Variants in ZNF700 observed in about 807,000 individuals in gnomAD.
ZNF700 encodes zinc finger protein 700.
Under a neutral mutation model 65.3 loss-of-function variants are expected in ZNF700, and 38 were observed. The observed-to-expected ratio is 0.58, with a 90% CI of 0.45 to 0.76. ZNF700 has a LOEUF of 0.76. ZNF700 is among the 30% of genes least tolerant of loss of function. The pLI is 0.00. For missense variants in ZNF700, 857 were observed against 888.4 expected (o/e 0.96, Z 0.45); for synonymous variants, 285 against 290.4 (o/e 0.98, Z 0.19).
In ZNF700 at chr19:11,933,521, T is replaced by C. The variant is rs117894901; in HGVS notation, c.63+8248T>C. Among the ~76,000 whole-genome samples the C allele has an allele frequency of 2.1e-3, 314 of 147,506 alleles. 8 individuals carry two copies. The highest frequency in any genetic ancestry group is 6.8e-3 in the Middle Eastern group (2 of 294). ...CCCCTGTGCTCTTCCTAATCATAGC[T>C]CTCCCCTCCCTCTTCTGCCACCCCT... On this transcript the variant is annotated intron_variant, in intron 1 of 3. Transcript: ENST00000254321.
Position 11,928,292 on chromosome 19 carries a change from A to G in ZNF700, c.63+3019A>G, listed in dbSNP as rs1421805710. Among the ~76,000 whole-genome samples the G allele has an allele frequency of 2.0e-4, 31 of 152,202 alleles. 1 individual carries two copies. The highest frequency in any genetic ancestry group is 2.0e-3 in the Admixed American group (31 of 15,278). The stretch of plus-strand genomic sequence containing the variant: ...CAGATATCAGCCACTGCACCTGGCT[A>G]ACAACTTAATTCGTAATGGTTTACT... On this transcript the variant is annotated intron_variant, in intron 1 of 3. Transcript: ENST00000254321.
intron 1 of ZNF700, among the ~76,000 whole-genome samples, chr19:11,928,417 G>A (rs192896212): frequency 3.3e-5 from 5 of 152,256 alleles, no homozygotes; most frequent in African/African-American, 1.2e-4. Flanking sequence ...CAATCTGATA[G>A]CCATGAAATC....
chr19:11,948,407 G>A lies in ZNF700; in HGVS notation c.383G>A (p.Ser128Asn). 6.2e-7 allele frequency: 1 copy of A among 1,614,134 alleles called. No homozygotes were observed. The highest frequency in any genetic ancestry group is 8.5e-7 in the Non-Finnish European group (1 of 1,179,994). ...TCTCCTGAAGTAAAATCATGTGACA[G>A]CTTTGTGTGTGCAGAAGTTGGCATA... ...KASPEVKSCD[S>N]FVCAEVGIGN... is the part of the protein sequence containing the mutation. The change falls in exon 4 of 4, where the codon AGC becomes AAC. Residue 128 changes from serine (S) to asparagine (N), a missense_variant. Physicochemically the swap from Ser to Asn is conservative, Grantham distance 46. This residue lies in a region of ZNF700 where 603 missense variants were observed against 619.9 expected (regional missense o/e 0.97). Coordinates refer to ENST00000254321, the MANE Select transcript of ZNF700 (RefSeq NM_144566.3).
Position 11,949,126 on chromosome 19 carries a change from G to A in ZNF700, c.1102G>A (p.Gly368Arg), listed in dbSNP as rs370847701. 4.5e-5 allele frequency: 72 copies of A among 1,612,200 alleles called. No individual in the cohort carries two copies. Among genetic ancestry groups the A allele is most frequent in the Non-Finnish European group, 5.9e-5 (70 of 1,179,620 alleles). Reference sequence around the variant, plus strand: ...AAGACCTTATAAATGTAAGATATGTGGGAAAGGCTTTTATTCTGCCAAGTC... The same window carrying A: ...AAGACCTTATAAATGTAAGATATGTAGGAAAGGCTTTTATTCTGCCAAGTC... ...GERPYKCKIC[G>R]KGFYSAKSFQ... The change falls in exon 4 of 4, where the codon GGG becomes AGG. Residue 368 changes from glycine (G) to arginine (R), a missense_variant. Coordinates refer to ENST00000254321, the MANE Select transcript of ZNF700 (RefSeq NM_144566.3).
chr19:11,925,261 A>C lies in ZNF700; in HGVS notation c.51A>C (p.Glu17Asp). 6.2e-7 allele frequency: 1 copy of C among 1,612,492 alleles called. No individual in the cohort carries two copies. The highest frequency in any genetic ancestry group is 8.5e-7 in the Non-Finnish European group (1 of 1,178,998). The change falls in exon 1 of 4, where the codon GAA becomes GAC. Residue 17 changes from glutamate (E) to aspartate (D), a missense_variant. By Grantham distance (45) the Glu-to-Asp change is conservative. Around this residue, in one of 3 missense-constraint regions of ZNF700, gnomAD observed 603 missense variants for 619.9 expected, o/e 0.97. Coordinates refer to ENST00000254321, the MANE Select transcript of ZNF700 (RefSeq NM_144566.3). ...RSCREDPGTS[E>D]SREMDPVAFE... is the part of the protein sequence containing the mutation. ...GTAGAGAGGACCCCGGTACATCTGA[A>C]AGCCGGGAAATGGTGCGTGTGCGGG...
intron 1 of ZNF700, 59 bp from the exon 2 acceptor site, chr19:11,947,122 C>A: frequency 6.3e-7 from 1 of 1,588,956 alleles, no homozygotes. Context: ...GGAATAGAGT[C>A]TAGGCCTCCA....
At chr19:11,935,779 A>G (rs1972786019) in intron 1 of ZNF700, among the ~76,000 whole-genome samples, 1 of 152,170 alleles carries the variant, frequency 6.6e-6, no homozygotes, top group Non-Finnish European at 1.5e-5. Flanking sequence ...CATAGGTATA[A>G]CATGTGCCGT....
At chr19:11,934,093 CA>C (rs1475960641) in intron 1 of ZNF700, among the ~76,000 whole-genome samples, 1 of 147,842 alleles carries the variant, frequency 6.8e-6, no homozygotes, top group Non-Finnish European at 1.5e-5. Context: ...CCTAAATTCC[CA>C]GCTACATGGG....
Position 11,949,528 on chromosome 19 carries a change from C to T in ZNF700, c.1504C>T (p.Pro502Ser), listed in dbSNP as rs745321509. Residue 502 changes from proline to serine, a missense_variant, in exon 4 of 4, where the codon CCC (proline) becomes TCC (serine). Coordinates refer to ENST00000254321, the MANE Select transcript of ZNF700 (RefSeq NM_144566.3). Reference protein sequence around the residue: ...HERTEKHIRMPSGERPYKCSI... With the variant: ...HERTEKHIRMSSGERPYKCSI... The stretch of plus-strand genomic sequence containing the variant: ...AAGGACAGAAAAACACATAAGAATG[C>T]CCTCTGGAGAAAGACCTTATAAATG... 1 of 1,607,672 alleles carries T rather than the reference C, an allele frequency of 6.2e-7. No homozygotes were observed. Among genetic ancestry groups the T allele is most frequent in the African/African-American group, 1.4e-5 (1 of 73,520 alleles).
At chr19:11,947,845 C>T (rs1241564704) in intron 3 of ZNF700, among the ~76,000 whole-genome samples, 1 of 152,048 alleles carries the variant, frequency 6.6e-6, no homozygotes, top group Non-Finnish European at 1.5e-5. Context: ...ATATCAACAA[C>T]AGCAAAAAAT....
At chr19:11,932,716 C>A (rs947665336) in intron 1 of ZNF700, among the ~76,000 whole-genome samples, 8 of 143,458 alleles carry the variant, frequency 5.6e-5, no homozygotes, top group Admixed American at 1.4e-4. Flanking sequence ...CGGCTCACTG[C>A]AAGCTCCGCC....
intron 1 of ZNF700, among the ~76,000 whole-genome samples, chr19:11,941,351 C>T (rs901636351): frequency 2.5e-4 from 38 of 152,210 alleles, no homozygotes; most frequent in Admixed American, 8.5e-4. Flanking sequence ...CAGGGGGCGG[C>T]GCTCATCGGG....
Position 11,949,694 on chromosome 19 carries a change from C to G in ZNF700, c.1670C>G (p.Thr557Ser), listed in dbSNP as rs975083880. The change falls in exon 4 of 4, where the codon ACT becomes AGT. Residue 557 changes from threonine to serine, a missense_variant. By Grantham distance (58) the Thr-to-Ser change is moderately conservative. Transcript: ENST00000254321. ...AATTCCCTTCGATATCATGAAAGGA[C>G]TCACACTGGAGAGAAACCCTATGAG... ...CCNSLRYHER[T>S]HTGEKPYECK... The G allele has an allele frequency of 6.2e-7, 1 of 1,612,686 alleles. No individual in the cohort carries two copies. Among genetic ancestry groups the G allele is most frequent in the African/African-American group, 1.3e-5 (1 of 74,448 alleles).
At position 11,948,987 on chromosome 19, in the gene ZNF700, T is replaced by G. The variant is rs750915474; in HGVS notation, c.963T>G (p.Leu321=). 3.7e-6 allele frequency: 6 copies of G among 1,608,398 alleles called. No homozygotes were observed. The South Asian group carries it at 5.6e-5, about 15-fold the overall frequency. Residue 321 remains leucine, a synonymous_variant, in exon 4 of 4, where the codon CTT becomes CTG. Transcript: ENST00000254321. The part of the protein sequence containing the change: ...CGKAFAYTSS[L]RRHERTHSGK... The stretch of plus-strand genomic sequence containing the variant: ...AAGCATTTGCATATACCAGTTCTCT[T>G]CGTAGACATGAAAGGACCCACTCTG...
chr19:11,938,353 T>C (rs1398220358), intron 1 of ZNF700, among the ~76,000 whole-genome samples: 2 of 152,166 alleles, frequency 1.3e-5, no homozygotes, highest in Non-Finnish European at 2.9e-5. Context: ...TTATTTACAT[T>C]AGGTATATCT....
At position 11,950,489 on chromosome 19, in the gene ZNF700, C is replaced by T. The variant is rs992877050; in HGVS notation, c.*236C>T. On this transcript the variant is annotated 3_prime_UTR_variant, in exon 4 of 4. Coordinates refer to ENST00000254321, the MANE Select transcript of ZNF700 (RefSeq NM_144566.3). Reference sequence around the variant, plus strand: ...AAACCCTATGAGTGTATTCTAGTTCCGTTTGATATCATGAAAGGACTTACA... The same window carrying T: ...AAACCCTATGAGTGTATTCTAGTTCTGTTTGATATCATGAAAGGACTTACA... The T allele has an allele frequency of 1.5e-5, 10 of 652,332 alleles. No individual in the cohort carries two copies. The highest frequency in any genetic ancestry group is 7.1e-5 in the Admixed American group (3 of 42,300). The allele number at this position is 652,332 out of a possible 1,614,324, so 40.4% of individuals were successfully genotyped here.
At chr19:11,933,323 A>C (rs764810845) in intron 1 of ZNF700, among the ~76,000 whole-genome samples, 9 of 148,398 alleles carry the variant, frequency 6.1e-5, no homozygotes, top group Non-Finnish European at 1.2e-4. Flanking sequence ...AATTGATGCA[A>C]GAATATATTA....
In ZNF700 at chr19:11,948,605, A is replaced by G. The variant is rs778707382; in HGVS notation, c.581A>G (p.Tyr194Cys). The change falls in exon 4 of 4, where the codon TAT becomes TGT. Residue 194 changes from tyrosine (Y) to cysteine (C), a missense_variant. Tyr to Cys is a radical substitution (Grantham distance 194, BLOSUM62 -2). Around this residue, in one of 3 missense-constraint regions of ZNF700, gnomAD observed 603 missense variants for 619.9 expected, o/e 0.97. Transcript: ENST00000254321. Reference protein sequence around the residue: ...QERDHTGEKPYACKVCGKTFI... With the variant: ...QERDHTGEKPCACKVCGKTFI... ...AGGGATCACACTGGAGAGAAACCCT[A>G]TGCTTGTAAAGTCTGTGGAAAAACC... 2.0e-5 allele frequency: 32 copies of G among 1,610,464 alleles called. No individual in the cohort carries two copies. Among genetic ancestry groups the G allele is most frequent in the Non-Finnish European group, 2.6e-5 (31 of 1,179,298 alleles).
At chr19:11,937,681 G>A (rs889421221) in intron 1 of ZNF700, among the ~76,000 whole-genome samples, 1 of 151,596 alleles carries the variant, frequency 6.6e-6, no homozygotes, top group Admixed American at 6.6e-5. Context: ...GTAGAGACGG[G>A]GTTTCACCAT....
Sources: allele counts gnomAD v4.1 joint callset (sites outside exome capture counted in the v4.1 genomes callset), GRCh38; gene constraint gnomAD v4.1.1; regional missense constraint gnomAD v4.1.1; transcripts MANE v1.5; gene names NCBI Gene and HGNC (gene_info 2026-07-23, HGNC 2026-07-21).